ADAMTS18: variants seen among roughly 807,000 people sequenced by gnomAD.
The protein encoded by ADAMTS18 is ADAM metallopeptidase with thrombospondin type 1 motif 18.
A neutral mutation model predicts 165.9 loss-of-function variants in ADAMTS18; 157 were observed. The observed-to-expected ratio is 0.95, with a 90% CI of 0.83 to 1.08. ADAMTS18 has a LOEUF of 1.08. Ranked by LOEUF, ADAMTS18 falls within the 50% of genes least tolerant of loss-of-function variation. The pLI is 0.00. For synonymous variants in ADAMTS18, 782 were observed against 578.2 expected (o/e 1.35, Z -5.06); for missense variants, 2,040 against 1,534.0 (o/e 1.33, Z -5.51).
At position 77,326,045 on chromosome 16, in the gene ADAMTS18, A is replaced by T; in HGVS notation, c.1860-7T>A. The T allele has an allele frequency of 6.2e-7, 1 of 1,612,866 alleles. No homozygotes were observed. Among genetic ancestry groups the T allele is most frequent in the Non-Finnish European group, 8.5e-7 (1 of 1,178,952 alleles). On this transcript the variant is annotated splice_region_variant and splice_polypyrimidine_tract_variant and intron_variant, in intron 12 of 22. Coordinates refer to ENST00000282849, the MANE Select transcript of ADAMTS18 (RefSeq NM_199355.4). Reference sequence around the variant, plus strand: ...TAAGCCACCATACTGAGGCCTGAAAATGAAATTAATGAACTTTAATGTTAG... The same window carrying T: ...TAAGCCACCATACTGAGGCCTGAAATTGAAATTAATGAACTTTAATGTTAG...
Position 77,282,135 on chromosome 16 carries a change from T to TAAAG in ADAMTS18, c.*1817_*1820dup, listed in dbSNP as rs1186052887. On this transcript the variant is annotated 3_prime_UTR_variant, in exon 23 of 23. Transcript: ENST00000282849. Reference sequence around the variant, plus strand: ...CAAGAACTTAACAAGCTGTCAAAGATAAAGAAATGGAATACTTTATTATAA... The same window carrying TAAAG: ...CAAGAACTTAACAAGCTGTCAAAGATAAAGAAAGAAATGGAATACTTTATTATAA... 3.3e-5 allele frequency: 5 copies of TAAAG among 152,208 alleles called. No individual in the cohort carries two copies. Among genetic ancestry groups the TAAAG allele is most frequent in the African/African-American group, 1.2e-4 (5 of 41,554 alleles). 9.4% of individuals were successfully genotyped at this position (152,208 alleles called of 1,614,324 possible).
At chr16:77,389,740 G>A (rs189600122) in intron 3 of ADAMTS18, among the ~76,000 whole-genome samples, 2 of 152,340 alleles carry the variant, frequency 1.3e-5, no homozygotes, top group East Asian at 1.9e-4. Context: ...AACAAAGAGA[G>A]AATGGGGGAA....
intron 3 of ADAMTS18, among the ~76,000 whole-genome samples, chr16:77,417,442 A>G (rs1277010381): frequency 6.6e-6 from 1 of 152,224 alleles, no homozygotes; most frequent in Non-Finnish European, 1.5e-5. Context: ...ATATTGAGAA[A>G]TTTAGAACAT....
chr16:77,359,529 C>T, intron 7 of ADAMTS18, 106 bp from the exon 8 acceptor site: 2 of 769,912 alleles, frequency 2.6e-6, no homozygotes, highest in South Asian at 3.1e-5. Context: ...TTTAATAGAT[C>T]AATGCATTCA....
At chr16:77,347,570 C>T (rs1015636899) in intron 10 of ADAMTS18, among the ~76,000 whole-genome samples, 7 of 151,646 alleles carry the variant, frequency 4.6e-5, no homozygotes, top group Non-Finnish European at 1.0e-4. Flanking sequence ...TATTGAGTAC[C>T]ATTTCATGCA....
At chr16:77,366,131 G>C (rs1165004056) in intron 4 of ADAMTS18, among the ~76,000 whole-genome samples, 1 of 148,424 alleles carries the variant, frequency 6.7e-6, no homozygotes, top group Non-Finnish European at 1.5e-5. Context: ...ATATCTTAGT[G>C]ATACCAGTTC....
At chr16:77,381,789 G>A (rs950325435) in intron 3 of ADAMTS18, among the ~76,000 whole-genome samples, 11 of 152,122 alleles carry the variant, frequency 7.2e-5, no homozygotes, top group Non-Finnish European at 1.0e-4. Flanking sequence ...GTGACAGAGC[G>A]AGACTCCATC....
At chr16:77,419,154 GA>G (rs72526079) in intron 3 of ADAMTS18, among the ~76,000 whole-genome samples, 9 of 151,642 alleles carry the variant, frequency 5.9e-5, no homozygotes, top group African/African-American at 1.2e-4. Context: ...ATCTCAGGGG[GA>G]AAAAAAATCA....
chr16:77,311,420 T>C (rs1334185670), intron 16 of ADAMTS18, among the ~76,000 whole-genome samples: 1 of 152,234 alleles, frequency 6.6e-6, no homozygotes, highest in East Asian at 1.9e-4. Context: ...TGGAAAGGCC[T>C]ATGAACTTTA....
intron 3 of ADAMTS18, among the ~76,000 whole-genome samples, chr16:77,388,245 C>A (rs954858381): frequency 5.3e-5 from 8 of 152,076 alleles, no homozygotes; most frequent in Non-Finnish European, 1.0e-4. Context: ...GATTATAGGT[C>A]CCTGCCACTG....
chr16:77,291,341 G>A lies in ADAMTS18; in HGVS notation c.3327C>T (p.Thr1109=), dbSNP rs763360027. 4.3e-6 allele frequency: 7 copies of A among 1,614,200 alleles called. No individual in the cohort carries two copies. Among genetic ancestry groups the A allele is most frequent in the Middle Eastern group, 3.3e-4 (2 of 6,062 alleles). ...IKKPNLDLEE[T]CNRRACPAHP... ...GGGCTGGGCAAGCCCGTCGGTTGCA[G>A]GTCTCTTCCAAGTCCAGATTTGGTT... Residue 1109 remains threonine, a synonymous_variant, in exon 21 of 23, where the codon ACC becomes ACT. Coordinates refer to ENST00000282849, the MANE Select transcript of ADAMTS18 (RefSeq NM_199355.4).
intron 3 of ADAMTS18, among the ~76,000 whole-genome samples, chr16:77,402,388 T>A (rs2057342618): frequency 6.6e-6 from 1 of 152,172 alleles, no homozygotes; most frequent in South Asian, 2.1e-4. Flanking sequence ...CAATGTCTGT[T>A]ATCCCGATAG....
intron 3 of ADAMTS18, among the ~76,000 whole-genome samples, chr16:77,430,083 G>A (rs929069818): frequency 1.3e-5 from 2 of 152,012 alleles, no homozygotes; most frequent in African/African-American, 4.8e-5. Flanking sequence ...TTAGGACACC[G>A]GAATAGACAG....
At chr16:77,313,480 A>G (rs2055823024) in intron 16 of ADAMTS18, among the ~76,000 whole-genome samples, 1 of 111,378 alleles carries the variant, frequency 9.0e-6, no homozygotes, top group South Asian at 2.6e-4. Flanking sequence ...TAAATGACTC[A>G]AGGTTTAAAA....
At chr16:77,419,383 T>C (rs2057571915) in intron 3 of ADAMTS18, among the ~76,000 whole-genome samples, 1 of 152,114 alleles carries the variant, frequency 6.6e-6, no homozygotes, top group African/African-American at 2.4e-5. Context: ...GTCACTCAGC[T>C]CTCTGACACC....
intron 11 of ADAMTS18, among the ~76,000 whole-genome samples, chr16:77,338,996 T>C (rs1285505220): frequency 2.0e-5 from 3 of 150,272 alleles, no homozygotes; most frequent in Non-Finnish European, 4.4e-5. Context: ...TACTGCCTCA[T>C]GTTGGCTGAG....
At chr16:77,400,630 C>T (rs576740641) in intron 3 of ADAMTS18, among the ~76,000 whole-genome samples, 3 of 151,890 alleles carry the variant, frequency 2.0e-5, no homozygotes, top group South Asian at 2.1e-4. Flanking sequence ...TACAGGCGCC[C>T]GTCACCGCAC....
chr16:77,319,044 T>C (rs183647344), intron 16 of ADAMTS18, among the ~76,000 whole-genome samples: 17 of 152,322 alleles, frequency 1.1e-4, no homozygotes, highest in Admixed American at 1.0e-3. Context: ...TTGGTTCTTT[T>C]AATTATCATT....
chr16:77,334,020 A>C (rs1321964653), intron 12 of ADAMTS18, among the ~76,000 whole-genome samples: 1 of 140,940 alleles, frequency 7.1e-6, no homozygotes, highest in Non-Finnish European at 1.5e-5. Context: ...GCTATATATA[A>C]TATACAGTGC....
Sources: allele counts gnomAD v4.1 joint callset (sites outside exome capture counted in the v4.1 genomes callset), GRCh38; gene constraint gnomAD v4.1.1; transcripts MANE v1.5; gene names NCBI Gene and HGNC (gene_info 2026-07-23, HGNC 2026-07-21).